The following PDSS1 variants were observed in gnomAD, a reference collection of about 807,000 sequenced individuals.
PDSS1 encodes the protein all trans-polyprenyl-diphosphate synthase PDSS1.
In PDSS1, 43 loss-of-function variants were observed where a neutral mutation model predicts 57.5. That is an observed-to-expected ratio of 0.75 (90% CI 0.59 to 0.96). The LOEUF (loss-of-function observed/expected upper bound fraction) is 0.96. Among genes scored for constraint, PDSS1 ranks in the 50% least tolerant of loss-of-function variants. The probability of loss-of-function intolerance (pLI) is 0.00; values close to 1 mark genes in which losing one functional copy is unlikely to be tolerated. For missense variants in PDSS1, 438 were observed against 527.8 expected (o/e 0.83, Z 1.67); for synonymous variants, 175 against 191.3 (o/e 0.91, Z 0.70).
At chr10:26,740,051 G>A (rs1836533024) in intron 10 of PDSS1, among the ~76,000 whole-genome samples, 1 of 151,900 alleles carries the variant, frequency 6.6e-6, no homozygotes, top group Middle Eastern at 3.4e-3. Context: ...CTGAGGCAGA[G>A]GAATCATTTG....
intron 5 of PDSS1, chr10:26,717,809 A>G (rs372274487): frequency 1.3e-5 from 2 of 152,194 alleles, no homozygotes; most frequent in East Asian, 3.8e-4. Context: ...CTAATTTATT[A>G]GACTGAAATT....
chr10:26,704,699 A>C lies in PDSS1; in HGVS notation c.185A>C (p.Lys62Thr). 1 of 1,435,948 alleles carries C rather than the reference A, an allele frequency of 7.0e-7. No individual in the cohort carries two copies. The allele number at this position is 1,435,948 out of a possible 1,614,324, so 89.0% of individuals were successfully genotyped here. A position where few individuals can be genotyped will look rare whatever the true frequency, so the allele number is the denominator to read the frequency against. ...LSQIPYINLV[K>T]HLTSACPNVC... The stretch of plus-strand genomic sequence containing the variant: ...TAGATACCCTATATTAATCTTGTGA[A>C]GCATTTAACATCTGCCTGTCCAAAT... The change falls in exon 3 of 12, where the codon AAG becomes ACG. Residue 62 changes from lysine (K) to threonine (T), a missense_variant. By Grantham distance (78) the Lys-to-Thr change is moderately conservative. Coordinates refer to ENST00000376215, the MANE Select transcript of PDSS1 (RefSeq NM_014317.5).
intron 8 of PDSS1, among the ~76,000 whole-genome samples, chr10:26,729,506 T>G (rs1836089692): frequency 6.6e-6 from 1 of 152,320 alleles, no homozygotes; most frequent in Admixed American, 6.5e-5. Context: ...TTTCCATATT[T>G]GTAACCCCCT....
chr10:26,704,663 T>G lies in PDSS1; in HGVS notation c.163-14T>G. The G allele has an allele frequency of 9.0e-7, 1 of 1,106,052 alleles. No individual in the cohort carries two copies. Among genetic ancestry groups the G allele is most frequent in the South Asian group, 1.2e-5 (1 of 80,034 alleles). The allele number at this position is 1,106,052 out of a possible 1,614,324, so 68.5% of individuals were successfully genotyped here. A position where few individuals can be genotyped will look rare whatever the true frequency, so the allele number is the denominator to read the frequency against. ...GAATATTCTTACAAGTTTCTTGACA[T>G]TTTTATTTTATAGATACCCTATATT... On this transcript the variant is annotated splice_polypyrimidine_tract_variant and intron_variant, in intron 2 of 11. Coordinates refer to ENST00000376215, the MANE Select transcript of PDSS1 (RefSeq NM_014317.5).
chr10:26,738,201 A>G (rs927435171), intron 10 of PDSS1, among the ~76,000 whole-genome samples: 3 of 152,240 alleles, frequency 2.0e-5, no homozygotes, highest in Admixed American at 6.5e-5. Flanking sequence ...AGAATATGCA[A>G]TATCTCCACT....
intron 10 of PDSS1, among the ~76,000 whole-genome samples, chr10:26,739,009 T>A (rs764041035): frequency 6.6e-5 from 10 of 152,198 alleles, no homozygotes; most frequent in Non-Finnish European, 1.3e-4. Context: ...GAAACTTTTT[T>A]AATTTTCAAA....
chr10:26,733,207 T>A (rs1836275626), intron 8 of PDSS1, among the ~76,000 whole-genome samples: 1 of 152,230 alleles, frequency 6.6e-6, no homozygotes, highest in Non-Finnish European at 1.5e-5. Context: ...TCACTATCAG[T>A]TATTTCTACG....
intron 6 of PDSS1, 151 bp from the exon 7 acceptor site, chr10:26,723,654 CG>C: frequency 1.4e-6 from 1 of 709,096 alleles, no homozygotes; most frequent in South Asian, 1.5e-5. Flanking sequence ...CTGATTGTTA[CG>C]GACTCCTGTT....
intron 11 of PDSS1, 50 bp from the exon 12 acceptor site, chr10:26,746,283 T>A: frequency 6.3e-7 from 1 of 1,598,902 alleles, no homozygotes; most frequent in Non-Finnish European, 8.6e-7. Flanking sequence ...GTTAAAACGC[T>A]GATTCAGTCA....
At chr10:26,724,663 C>T (rs183750085) in intron 8 of PDSS1, among the ~76,000 whole-genome samples, 131 of 152,202 alleles carry the variant, frequency 8.6e-4, no homozygotes, top group African/African-American at 2.9e-3. Flanking sequence ...CTACAACCTC[C>T]ACCTCCCAGG....
Position 26,741,608 on chromosome 10 carries a change from A to G in PDSS1, c.1027-889A>G, listed in dbSNP as rs1836611395. 2.6e-5 allele frequency among the ~76,000 whole-genome samples: 4 copies of G among 152,358 alleles called. No homozygotes were observed. In the South Asian group the frequency reaches 6.2e-4, roughly 24 times the overall value. On this transcript the variant is annotated intron_variant, in intron 10 of 11. Coordinates refer to ENST00000376215, the MANE Select transcript of PDSS1 (RefSeq NM_014317.5). The stretch of plus-strand genomic sequence containing the variant: ...CACTGCTTAAGGCAGAGCTCTGCAC[A>G]TAATGCCCTCTGCTCAGAAACCTCA...
At chr10:26,707,073 C>A (rs3118156) in intron 4 of PDSS1, among the ~76,000 whole-genome samples, 2 of 152,062 alleles carry the variant, frequency 1.3e-5, no homozygotes, top group Non-Finnish European at 2.9e-5. Context: ...ACTTGCATCC[C>A]GTCTCCCCGG....
At chr10:26,732,937 C>T (rs1228155570) in intron 8 of PDSS1, among the ~76,000 whole-genome samples, 1 of 152,026 alleles carries the variant, frequency 6.6e-6, no homozygotes, top group Non-Finnish European at 1.5e-5. Context: ...CCTGAAACCC[C>T]GTCTCTACTA....
intron 5 of PDSS1, chr10:26,714,921 A>T (rs1309114960): frequency 6.6e-6 from 1 of 152,234 alleles, no homozygotes; most frequent in Non-Finnish European, 1.5e-5. Flanking sequence ...TTATAGCACT[A>T]TAAAAAACTA....
chr10:26,730,616 A>C (rs1836154131), intron 8 of PDSS1, among the ~76,000 whole-genome samples: 1 of 145,540 alleles, frequency 6.9e-6, no homozygotes, highest in Admixed American at 7.0e-5. Context: ...CTAAAAAAAT[A>C]ATAATAATAA....
At chr10:26,707,184 G>A (rs183747057) in intron 4 of PDSS1, among the ~76,000 whole-genome samples, 166 of 152,264 alleles carry the variant, frequency 1.1e-3, no homozygotes, top group Non-Finnish European at 2.1e-3. Context: ...GCATGCTCAC[G>A]TGAGGCATTC....
At chr10:26,717,390 C>T (rs2132251942) in intron 5 of PDSS1, among the ~76,000 whole-genome samples, 1 of 152,250 alleles carries the variant, frequency 6.6e-6, no homozygotes, top group Non-Finnish European at 1.5e-5. Flanking sequence ...CACTACCATG[C>T]CTGGCTAGTT....
At chr10:26,745,036 C>T (rs143821521) in intron 11 of PDSS1, among the ~76,000 whole-genome samples, 2,072 of 152,018 alleles carry the variant, frequency 0.014, 42 homozygotes, top group African/African-American at 0.047. Flanking sequence ...TGGTAGTGCA[C>T]GCCTATAATC....
intron 5 of PDSS1, among the ~76,000 whole-genome samples, chr10:26,710,304 G>A (rs1835381650): frequency 1.2e-5 from 1 of 86,044 alleles, no homozygotes. Context: ...GGAGTGCAGT[G>A]GTGTGATCTC....
Sources: gnomAD v4.1 joint callset for allele counts (sites outside exome capture counted in the v4.1 genomes callset) on GRCh38, gnomAD v4.1.1 for gene constraint, MANE v1.5 for transcripts, NCBI Gene and HGNC (gene_info 2026-07-23, HGNC 2026-07-21) for gene names.